Variants in FRMD3 observed in about 807,000 individuals in gnomAD.
The protein encoded by FRMD3 is FERM domain containing 3.
FRMD3 carries 33 observed loss-of-function variants against 70.2 expected under a neutral mutation model. That is an observed-to-expected ratio of 0.47 (90% CI 0.36 to 0.63). FRMD3 has a LOEUF of 0.63. Ranked by LOEUF, FRMD3 falls within the 20% of genes least tolerant of loss-of-function variation. The probability of loss-of-function intolerance (pLI) is 0.00; values close to 1 mark genes in which losing one functional copy is unlikely to be tolerated. For synonymous variants in FRMD3, 279 were observed against 255.9 expected, an observed-to-expected ratio of 1.09 and a Z score of -0.86; for missense variants, 632 against 711.4, an observed-to-expected ratio of 0.89 and a Z score of 1.27.
chr9:83,302,166 G>A (rs1157969383), intron 10 of FRMD3, among the ~76,000 whole-genome samples: 1 of 152,180 alleles, frequency 6.6e-6, no homozygotes, highest in African/African-American at 2.4e-5. Flanking sequence ...CATGAATCCG[G>A]AGTACCAGAT....
At chr9:83,273,044 G>A (rs112079804) in intron 13 of FRMD3, among the ~76,000 whole-genome samples, 29,835 of 88,802 alleles carry the variant, frequency 0.34, 3,740 homozygotes, top group African/African-American at 0.53. Flanking sequence ...TGCCCCGTCC[G>A]GGAGGTGGGG....
At chr9:83,471,785 T>C (rs1828275191) in intron 1 of FRMD3, among the ~76,000 whole-genome samples, 1 of 152,200 alleles carries the variant, frequency 6.6e-6, no homozygotes, top group Non-Finnish European at 1.5e-5. Context: ...ACCTCTGTGA[T>C]GAAATGGCTG....
downstream of FRMD3, chr9:83,244,521 A>ATGT (rs71365304): frequency 0.58 from 123,057 of 210,970 alleles, 39,553 homozygotes; most frequent in South Asian, 0.69. Flanking sequence ...TCACCATTAT[A>ATGT]TGTTGACCTC....
chr9:83,247,521 A>C lies in FRMD3; in HGVS notation c.*397T>G. 7 of 991,614 alleles carry C rather than the reference A, an allele frequency of 7.1e-6. No homozygotes were observed. The highest frequency in any genetic ancestry group is 8.4e-6 in the Non-Finnish European group (7 of 832,620). The allele number at this position is 991,614 out of a possible 1,614,324, so 61.4% of individuals were successfully genotyped here. ...GGACACTGTTTTCACTAAGGATTATATTCAACAACTTTCTCTTGAGTTGTT... is the reference window on the plus strand; with the variant it reads ...GGACACTGTTTTCACTAAGGATTATCTTCAACAACTTTCTCTTGAGTTGTT... On this transcript the variant is annotated 3_prime_UTR_variant, in exon 14 of 14. Coordinates refer to ENST00000304195, the MANE Select transcript of FRMD3 (RefSeq NM_174938.6).
At chr9:83,512,161 T>G (rs1829352042) in intron 1 of FRMD3, among the ~76,000 whole-genome samples, 1 of 152,202 alleles carries the variant, frequency 6.6e-6, no homozygotes, top group Non-Finnish European at 1.5e-5. Context: ...GCACAGGGAT[T>G]GGCACATACT....
chr9:83,294,557 C>T (rs1269528245), intron 12 of FRMD3, among the ~76,000 whole-genome samples: 1 of 152,160 alleles, frequency 6.6e-6, no homozygotes, highest in Non-Finnish European at 1.5e-5. Flanking sequence ...TTTTCATTTG[C>T]AAAGTTGTTT....
At chr9:83,295,274 A>G (rs1834613928) in intron 12 of FRMD3, among the ~76,000 whole-genome samples, 1 of 152,212 alleles carries the variant, frequency 6.6e-6, no homozygotes, top group Admixed American at 6.5e-5. Context: ...AACTGACATT[A>G]TGTAACTCAA....
chr9:83,289,336 G>T (rs926348272), intron 13 of FRMD3, among the ~76,000 whole-genome samples: 5 of 152,200 alleles, frequency 3.3e-5, no homozygotes, highest in African/African-American at 1.2e-4. Flanking sequence ...TAACAAGAGT[G>T]TTCTCATTAT....
At chr9:83,542,765 G>A (rs1206794372), upstream of FRMD3, among the ~76,000 whole-genome samples, 1 of 152,110 alleles carries the variant, frequency 6.6e-6, no homozygotes, top group Non-Finnish European at 1.5e-5. Flanking sequence ...ATTGATCAGT[G>A]GAACAAAATA....
intron 1 of FRMD3, among the ~76,000 whole-genome samples, chr9:83,482,586 T>C (rs1828593345): frequency 6.6e-6 from 1 of 152,180 alleles, no homozygotes; most frequent in Admixed American, 6.5e-5. Flanking sequence ...TGCAAATTTT[T>C]AAAATTATTA....
the FRMD3 span, among the ~76,000 whole-genome samples, chr9:83,543,982 A>C: frequency 6.6e-6 from 1 of 152,276 alleles, no homozygotes; most frequent in South Asian, 2.1e-4. Flanking sequence ...CAGGGCTATT[A>C]AGGATGACTG....
chr9:83,397,769 G>T (rs1825846652), intron 1 of FRMD3, among the ~76,000 whole-genome samples: 1 of 152,250 alleles, frequency 6.6e-6, no homozygotes, highest in East Asian at 1.9e-4. Flanking sequence ...ATGTACATCT[G>T]GGAAAGAACA....
At chr9:83,502,017 T>G (rs1829080348) in intron 1 of FRMD3, among the ~76,000 whole-genome samples, 3 of 152,248 alleles carry the variant, frequency 2.0e-5, no homozygotes, top group Admixed American at 1.3e-4. Context: ...AATCATTAAC[T>G]TGTTTTATTT....
In FRMD3 at chr9:83,245,639, AT is replaced by A. The variant is rs1832056956; in HGVS notation, c.*2278del. 13 of 819,292 alleles carry A rather than the reference AT, an allele frequency of 1.6e-5. No individual in the cohort carries two copies. In the South Asian group the frequency reaches 6.7e-4, roughly 42 times the overall value. 50.8% of individuals were successfully genotyped at this position (819,292 alleles called of 1,614,324 possible). ...TTAAGTATTTTACAATGGAAAATATATTAGTTCCATAATTTAAAAAATATTA... is the reference window on the plus strand; with the variant it reads ...TTAAGTATTTTACAATGGAAAATATATAGTTCCATAATTTAAAAAATATTA... On this transcript the variant is annotated 3_prime_UTR_variant, in exon 14 of 14. Transcript: ENST00000304195.
At chr9:83,276,442 C>A (rs911080328) in intron 13 of FRMD3, 6 of 152,158 alleles carry the variant, frequency 3.9e-5, no homozygotes, top group Non-Finnish European at 8.8e-5. Context: ...CCATATTTCT[C>A]AACAGCTTTG....
At chr9:83,365,889 C>T (rs1824770214) in intron 3 of FRMD3, among the ~76,000 whole-genome samples, 1 of 152,146 alleles carries the variant, frequency 6.6e-6, no homozygotes, top group Admixed American at 6.6e-5. Flanking sequence ...GAGAAAGAGA[C>T]TTGGAGTGGA....
At chr9:83,563,369 G>A in the FRMD3 span, among the ~76,000 whole-genome samples, 11 of 152,196 alleles carry the variant, frequency 7.2e-5, no homozygotes, top group African/African-American at 2.4e-4. Flanking sequence ...AGCAGCCTCT[G>A]AGTAAAGGGT....
At chr9:83,299,253 G>C in intron 10 of FRMD3, 67 bp from the exon 11 acceptor site, 1 of 942,230 alleles carries the variant, frequency 1.1e-6, no homozygotes, top group East Asian at 2.4e-5. Context: ...TGCTATAGAG[G>C]TGTGGTGATG....
chr9:83,296,029 T>C (rs147786802), intron 12 of FRMD3, among the ~76,000 whole-genome samples: 32 of 152,226 alleles, frequency 2.1e-4, no homozygotes, highest in Non-Finnish European at 4.4e-4. Flanking sequence ...ATTTGAAGAG[T>C]AGAATATCAG....
Sources: gnomAD v4.1 joint callset for allele counts (sites outside exome capture counted in the v4.1 genomes callset) on GRCh38, gnomAD v4.1.1 for gene constraint, MANE v1.5 for transcripts, NCBI Gene and HGNC (gene_info 2026-07-23, HGNC 2026-07-21) for gene names.